The following NRCAM variants were observed in gnomAD, a reference collection of about 807,000 sequenced individuals.
NRCAM encodes NgCAM-related cell adhesion molecule.
Under a neutral mutation model 156.5 loss-of-function variants are expected in NRCAM, and 83 were observed. The ratio of observed to expected loss-of-function variants is 0.53; its 90% CI spans 0.44 to 0.64. The LOEUF (loss-of-function observed/expected upper bound fraction) is 0.64. Ranked by LOEUF, NRCAM falls within the 30% of genes least tolerant of loss-of-function variation. NRCAM has a pLI of 0.00. For missense variants in NRCAM, 1,417 were observed against 1,597.3 expected, an observed-to-expected ratio of 0.89 and a Z score of 1.92; for synonymous variants, 538 against 563.9, an observed-to-expected ratio of 0.95 and a Z score of 0.65.
intron 2 of NRCAM, among the ~76,000 whole-genome samples, chr7:108,360,495 A>C (rs2099542464): frequency 6.6e-6 from 1 of 152,228 alleles, no homozygotes; most frequent in African/African-American, 2.4e-5. Context: ...AATATTTCTA[A>C]GGCTAAAATT....
chr7:108,383,405 CAA>C (rs1352078578), intron 2 of NRCAM, among the ~76,000 whole-genome samples: 1 of 152,074 alleles, frequency 6.6e-6, no homozygotes, highest in Non-Finnish European at 1.5e-5. Context: ...AAAGTGAAAA[CAA>C]ATAAGATACG....
chr7:108,351,827 A>G (rs903612917), intron 2 of NRCAM, among the ~76,000 whole-genome samples: 1 of 152,202 alleles, frequency 6.6e-6, no homozygotes, highest in African/African-American at 2.4e-5. Flanking sequence ...ACATTTAACA[A>G]AAGAAAATAT....
At position 108,180,244 on chromosome 7, in the gene NRCAM, C is replaced by A. The variant is rs1361386373; in HGVS notation, c.2830G>T (p.Val944Phe). The change falls in exon 25 of 33, where the codon GTC becomes TTC. Residue 944 changes from valine (V) to phenylalanine (F), a missense_variant. By Grantham distance (50) the Val-to-Phe change is conservative. Coordinates refer to ENST00000379028, the MANE Select transcript of NRCAM (RefSeq NM_001037132.4). ...ATACCTCCTTCTGGAGTATTAAAGA[C>A]TCTGTCAGGGCTGGCTGGGCCCTCC... ...KGEGPASPDRVFNTPEGVPSA... is the reference protein window; with the variant it reads ...KGEGPASPDRFFNTPEGVPSA... 6.2e-7 allele frequency: 1 copy of A among 1,614,172 alleles called. No individual in the cohort carries two copies.
chr7:108,165,182 T>C (rs1032050228), intron 30 of NRCAM, among the ~76,000 whole-genome samples: 1 of 152,222 alleles, frequency 6.6e-6, no homozygotes, highest in Non-Finnish European at 1.5e-5. Context: ...TGACCGAAGC[T>C]GCCCTTTCTG....
intron 3 of NRCAM, among the ~76,000 whole-genome samples, chr7:108,273,517 CAT>C (rs747337495): frequency 1.1e-4 from 16 of 152,114 alleles, no homozygotes; most frequent in Non-Finnish European, 1.9e-4. Context: ...AGCTTTTTTT[CAT>C]ATGTCTGTTG....
intron 3 of NRCAM, among the ~76,000 whole-genome samples, chr7:108,245,144 T>C (rs2095823074): frequency 6.6e-6 from 1 of 152,144 alleles, no homozygotes; most frequent in African/African-American, 2.4e-5. Flanking sequence ...TGGTGTCACC[T>C]GCTTAAATGT....
At chr7:108,291,941 G>A (rs1335562303) in intron 3 of NRCAM, among the ~76,000 whole-genome samples, 1 of 152,126 alleles carries the variant, frequency 6.6e-6, no homozygotes, top group East Asian at 1.9e-4. Flanking sequence ...AATGCCTAAG[G>A]GGGCCAAGCA....
Position 108,266,555 on chromosome 7 carries a change from A to G in NRCAM, c.-106-26385T>C, listed in dbSNP as rs78220469. 5.2e-3 allele frequency among the ~76,000 whole-genome samples: 786 copies of G among 152,312 alleles called. 27 individuals are homozygous for G. The East Asian group carries it at 0.084, about 16-fold the overall frequency. On this transcript the variant is annotated intron_variant, in intron 3 of 32. Coordinates refer to ENST00000379028, the MANE Select transcript of NRCAM (RefSeq NM_001037132.4). ...ATTTAAATGATATTTTTTGGGGGGAATCTGAGCTCAAAGAGATAGAGTTCA... is the reference window on the plus strand; with the variant it reads ...ATTTAAATGATATTTTTTGGGGGGAGTCTGAGCTCAAAGAGATAGAGTTCA...
intron 12 of NRCAM, among the ~76,000 whole-genome samples, chr7:108,208,633 C>G (rs1390773302): frequency 6.6e-6 from 1 of 152,228 alleles, no homozygotes. Flanking sequence ...CATCTCCAAT[C>G]TGACAATTTC....
intron 2 of NRCAM, among the ~76,000 whole-genome samples, chr7:108,389,861 T>C (rs562760951): frequency 4.9e-4 from 75 of 152,340 alleles, no homozygotes; most frequent in African/African-American, 1.8e-3. Flanking sequence ...ATTACGTTTA[T>C]TGATTTGTGT....
At chr7:108,455,527 C>G (rs1176780195) in intron 1 of NRCAM, among the ~76,000 whole-genome samples, 2 of 152,150 alleles carry the variant, frequency 1.3e-5, no homozygotes, top group African/African-American at 2.4e-5. Flanking sequence ...CAGGGACTCC[C>G]GGGACCCGCA....
At chr7:108,454,699 G>A (rs1854452395) in intron 1 of NRCAM, among the ~76,000 whole-genome samples, 1 of 152,192 alleles carries the variant, frequency 6.6e-6, no homozygotes, top group Non-Finnish European at 1.5e-5. Context: ...GTATTCAGAG[G>A]TTACTGTGTT....
chr7:108,267,749 G>C (rs1410715178), intron 3 of NRCAM, among the ~76,000 whole-genome samples: 1 of 152,190 alleles, frequency 6.6e-6, no homozygotes, highest in African/African-American at 2.4e-5. Context: ...TCTAATTCCA[G>C]TCAAGTGACC....
chr7:108,181,075 C>T (rs1050598772), intron 24 of NRCAM, among the ~76,000 whole-genome samples: 1 of 151,988 alleles, frequency 6.6e-6, no homozygotes, highest in Admixed American at 6.6e-5. Flanking sequence ...TAAGAAAGTA[C>T]TGATTAATTT....
At chr7:108,340,721 C>G (rs937266001) in intron 2 of NRCAM, among the ~76,000 whole-genome samples, 13 of 152,196 alleles carry the variant, frequency 8.5e-5, no homozygotes, top group African/African-American at 2.7e-4. Context: ...TCCACTATAA[C>G]ACAGGGTAAG....
chr7:108,452,411 G>A (rs1232038140), intron 1 of NRCAM, among the ~76,000 whole-genome samples: 2 of 152,080 alleles, frequency 1.3e-5, no homozygotes, highest in African/African-American at 4.8e-5. Context: ...AATGCTGTGG[G>A]GGGGGGAAGA....
At chr7:108,367,487 T>C (rs1291753056) in intron 2 of NRCAM, among the ~76,000 whole-genome samples, 1 of 152,164 alleles carries the variant, frequency 6.6e-6, no homozygotes, top group East Asian at 1.9e-4. Context: ...CACTAACATA[T>C]TTGTTTTCCT....
chr7:108,264,267 C>T (rs890370883), intron 3 of NRCAM, among the ~76,000 whole-genome samples: 8 of 152,186 alleles, frequency 5.3e-5, no homozygotes, highest in Non-Finnish European at 8.8e-5. Flanking sequence ...TTAGCCTCTG[C>T]GCCTGGTCTG....
chr7:108,342,824 C>T (rs1222841711), intron 2 of NRCAM, among the ~76,000 whole-genome samples: 1 of 152,178 alleles, frequency 6.6e-6, no homozygotes, highest in African/African-American at 2.4e-5. Context: ...ACTGTGTGGA[C>T]ATCTCATGAT....
Sources: allele counts gnomAD v4.1 joint callset (sites outside exome capture counted in the v4.1 genomes callset), GRCh38; gene constraint gnomAD v4.1.1; transcripts MANE v1.5; gene names NCBI Gene and HGNC (gene_info 2026-07-23, HGNC 2026-07-21).